PPP1R21: variants seen among roughly 807,000 people sequenced by gnomAD.
PPP1R21 encodes protein phosphatase 1 regulatory subunit 21.
PPP1R21 carries 85 observed loss-of-function variants against 112.8 expected under a neutral mutation model. The observed-to-expected ratio is 0.75, with a 90% CI of 0.63 to 0.90. The LOEUF is 0.90. Ranked by LOEUF, PPP1R21 falls within the 40% of genes least tolerant of loss-of-function variation. PPP1R21 has a pLI of 0.00. For synonymous variants in PPP1R21, 381 were observed against 322.3 expected (o/e 1.18, Z -1.95); for missense variants, 1,199 against 901.5 (o/e 1.33, Z -4.23).
At chr2:48,462,849 G>T (rs1212229287) in intron 7 of PPP1R21, among the ~76,000 whole-genome samples, 2 of 152,228 alleles carry the variant, frequency 1.3e-5, no homozygotes, top group African/African-American at 2.4e-5. Flanking sequence ...CTATTGTGAT[G>T]ATAGTTTTGG....
At chr2:48,462,738 G>A (rs1265340777) in intron 7 of PPP1R21, among the ~76,000 whole-genome samples, 1 of 152,314 alleles carries the variant, frequency 6.6e-6, no homozygotes, top group Admixed American at 6.5e-5. Flanking sequence ...TGTTGGAGAA[G>A]TTTTTGAGCC....
In PPP1R21 at chr2:48,507,354, C is replaced by G. The variant is rs763287058; in HGVS notation, c.2054C>G (p.Ala685Gly). The change falls in exon 19 of 22, where the codon GCT becomes GGT. Residue 685 changes from alanine to glycine, a missense_variant. By Grantham distance (60) the Ala-to-Gly change is moderately conservative. Coordinates refer to ENST00000294952, the MANE Select transcript of PPP1R21 (RefSeq NM_001135629.3). ...IVELTSQLQL[A>G]DSKSVHFYAE... ...GAACTTACGTCTCAGTTGCAGCTGGCTGACAGTAAGTCAGTGCATTTTTAT... is the reference window on the plus strand; with the variant it reads ...GAACTTACGTCTCAGTTGCAGCTGGGTGACAGTAAGTCAGTGCATTTTTAT... 2.5e-6 allele frequency: 4 copies of G among 1,595,696 alleles called. No individual in the cohort carries two copies. In the Admixed American group the frequency reaches 5.5e-5, roughly 22 times the overall value.
At chr2:48,456,804 G>A (rs1416617148) in intron 3 of PPP1R21, among the ~76,000 whole-genome samples, 1 of 152,210 alleles carries the variant, frequency 6.6e-6, no homozygotes, top group Non-Finnish European at 1.5e-5. Context: ...TGTAATCCCA[G>A]CACTTTGGGA....
chr2:48,511,698 CAA>C (rs758709933), intron 21 of PPP1R21, among the ~76,000 whole-genome samples: 15 of 81,826 alleles, frequency 1.8e-4, no homozygotes, highest in Admixed American at 4.1e-4. Context: ...TTCATCTCTA[CAA>C]AAAAAAAAAA....
intron 19 of PPP1R21, 138 bp downstream of exon 19, chr2:48,507,523 A>G: frequency 7.5e-7 from 1 of 1,324,836 alleles, no homozygotes; most frequent in East Asian, 2.8e-5. Context: ...GTGTACCACC[A>G]CGCCCAGCTA....
rs1670336195 is a variant in PPP1R21, at chr2:48,505,565, T to C, written c.1937T>C (p.Ile646Thr). Residue 646 changes from isoleucine (I) to threonine (T), a missense_variant and splice_region_variant, in exon 18 of 22, where the codon ATT becomes ACT. Ile to Thr is a moderately conservative substitution (Grantham distance 89). Coordinates refer to ENST00000294952, the MANE Select transcript of PPP1R21 (RefSeq NM_001135629.3). ...AAGATTTTTCCCCTTATGTTCTAGA[T>C]TGGGACTTTAACCAGGACATCTGAC... ...VLEPIQSTSL[I>T]GTLTRTSDSE... The C allele has an allele frequency of 6.5e-7, 1 of 1,549,460 alleles. No homozygotes were observed. Among genetic ancestry groups the C allele is most frequent in the Non-Finnish European group, 8.7e-7 (1 of 1,144,414 alleles).
At chr2:48,467,677 C>T (rs1377850566) in intron 9 of PPP1R21, among the ~76,000 whole-genome samples, 1 of 152,206 alleles carries the variant, frequency 6.6e-6, no homozygotes, top group African/African-American at 2.4e-5. Context: ...AAGGTGGAAG[C>T]CACAGTGCCT....
chr2:48,461,165 A>C lies in PPP1R21; in HGVS notation c.627A>C (p.Glu209Asp). The C allele has an allele frequency of 6.3e-7, 1 of 1,581,422 alleles. No homozygotes were observed. Among genetic ancestry groups the C allele is most frequent in the Non-Finnish European group, 8.5e-7 (1 of 1,170,624 alleles). ...AATTACAGTTAAAGACTCTTCATGA[A>C]GATTTGTCAGGTAGATTAGAGGAAT... ...ECQLQLKTLH[E>D]DLSGRLEESL... The change falls in exon 7 of 22, where the codon GAA (glutamate) becomes GAC (aspartate). Residue 209 changes from glutamate (E) to aspartate (D), a missense_variant. Physicochemically the swap from Glu to Asp is conservative, Grantham distance 45. Transcript: ENST00000294952.
At position 48,486,627 on chromosome 2, in the gene PPP1R21, A is replaced by C; in HGVS notation, c.1319-4A>C. ...AATGAATTTTCATGTAATTGCTTTT[A>C]TAGATATTTCCAAACATTATAGTCA... On this transcript the variant is annotated splice_polypyrimidine_tract_variant and splice_region_variant and intron_variant, in intron 13 of 21. Transcript: ENST00000294952. The C allele has an allele frequency of 6.2e-7, 1 of 1,604,594 alleles. No homozygotes were observed.
chr2:48,510,229 C>A (rs1018350135), intron 20 of PPP1R21, 116 bp downstream of exon 20: 5 of 625,214 alleles, frequency 8.0e-6, no homozygotes, highest in Non-Finnish European at 1.1e-5. Context: ...TTTAAGATAA[C>A]CACTGTATTT....
At position 48,496,382 on chromosome 2, in the gene PPP1R21, A is replaced by G. The variant is rs1019117369; in HGVS notation, c.1692+611A>G. On this transcript the variant is annotated intron_variant, in intron 16 of 21. Coordinates refer to ENST00000294952, the MANE Select transcript of PPP1R21 (RefSeq NM_001135629.3). ...CAGCATTATAGGGCATAAGACCCTC[A>G]TTCTAGAGGTGTTGCCCCATACCCT... Among the ~76,000 whole-genome samples the G allele has an allele frequency of 5.3e-5, 8 of 152,134 alleles. No homozygotes were observed. The East Asian group carries it at 1.5e-3, about 29-fold the overall frequency.
intron 21 of PPP1R21, among the ~76,000 whole-genome samples, chr2:48,513,167 G>C (rs1670715391): frequency 6.6e-6 from 1 of 151,934 alleles, no homozygotes; most frequent in Non-Finnish European, 1.5e-5. Context: ...TAATTGGATT[G>C]CAGCTACTTC....
intron 17 of PPP1R21, among the ~76,000 whole-genome samples, chr2:48,504,520 A>T (rs1457586439): frequency 6.6e-6 from 1 of 152,162 alleles, no homozygotes; most frequent in African/African-American, 2.4e-5. Context: ...GTGCACCTGT[A>T]ATCCCCACTA....
At chr2:48,504,596 G>A (rs527761229) in intron 17 of PPP1R21, among the ~76,000 whole-genome samples, 86 of 152,204 alleles carry the variant, frequency 5.7e-4, no homozygotes, top group African/African-American at 1.9e-3. Flanking sequence ...AGCCTCGGTC[G>A]CACCATTGCA....
At chr2:48,514,062 C>T (rs576873473) in intron 21 of PPP1R21, among the ~76,000 whole-genome samples, 217 of 146,954 alleles carry the variant, frequency 1.5e-3, no homozygotes, top group African/African-American at 5.1e-3. Context: ...TAAACAATGA[C>T]GAGACATGTT....
At chr2:48,482,004 A>G (rs1669035263) in intron 13 of PPP1R21, among the ~76,000 whole-genome samples, 1 of 152,234 alleles carries the variant, frequency 6.6e-6, no homozygotes, top group Non-Finnish European at 1.5e-5. Flanking sequence ...TTAGACTTGG[A>G]TCCTGTCCCC....
At chr2:48,470,519 CAAA>C (rs34486239) in intron 9 of PPP1R21, among the ~76,000 whole-genome samples, 3 of 79,394 alleles carry the variant, frequency 3.8e-5, no homozygotes, top group Admixed American at 1.4e-4. Flanking sequence ...AACTCTGTCT[CAAA>C]AAAAAAAAAA....
intron 3 of PPP1R21, among the ~76,000 whole-genome samples, chr2:48,455,771 T>G (rs576668635): frequency 6.6e-6 from 1 of 151,932 alleles, no homozygotes; most frequent in African/African-American, 2.4e-5. Context: ...TCCCAGCACT[T>G]TGGGAGGCTG....
chr2:48,507,114 A>G, intron 18 of PPP1R21, 155 bp from the exon 19 acceptor site: 3 of 1,055,152 alleles, frequency 2.8e-6, no homozygotes, highest in South Asian at 2.2e-5. Flanking sequence ...CTTCCCTGCT[A>G]TGTCTGAAGT....
Sources: allele counts gnomAD v4.1 joint callset (sites outside exome capture counted in the v4.1 genomes callset), GRCh38; gene constraint gnomAD v4.1.1; transcripts MANE v1.5; gene names NCBI Gene and HGNC (gene_info 2026-07-23, HGNC 2026-07-21).